LIMS1: variants seen among roughly 807,000 people sequenced by gnomAD.
LIMS1 encodes the protein LIM zinc finger domain containing 1, also known as LIM and senescent cell antigen-like-containing domain protein 1.
In LIMS1, 18 loss-of-function variants were observed where a neutral mutation model predicts 44.1. The observed-to-expected ratio is 0.41, with a 90% CI of 0.28 to 0.61. The LOEUF is 0.61. Ranked by LOEUF, LIMS1 falls within the 20% of genes least tolerant of loss-of-function variation. LIMS1 has a pLI of 0.32. For synonymous variants in LIMS1, 93 were observed against 149.1 expected (o/e 0.62, Z 2.74); for missense variants, 201 against 422.0 (o/e 0.48, Z 4.59).
At chr2:108,638,645 G>T (rs1689442445) in intron 1 of LIMS1, among the ~76,000 whole-genome samples, 1 of 152,110 alleles carries the variant, frequency 6.6e-6, no homozygotes, top group South Asian at 2.1e-4. Context: ...TACTCAGGAG[G>T]CTGAGGCACG....
At chr2:108,680,040 C>T (rs925584278) in intron 8 of LIMS1, among the ~76,000 whole-genome samples, 2 of 151,798 alleles carry the variant, frequency 1.3e-5, no homozygotes, top group African/African-American at 4.8e-5. Context: ...TCCTGGGAAA[C>T]ATGGCAAGAC....
intron 1 of LIMS1, among the ~76,000 whole-genome samples, chr2:108,599,314 A>G (rs528915682): frequency 1.8e-4 from 28 of 152,218 alleles, no homozygotes; most frequent in Admixed American, 1.6e-3. Context: ...TGCCTGGCTT[A>G]TTTCACTTGA....
intron 1 of LIMS1, among the ~76,000 whole-genome samples, chr2:108,611,842 T>C (rs1418760795): frequency 1.4e-5 from 2 of 141,740 alleles, no homozygotes; most frequent in Non-Finnish European, 3.0e-5. Flanking sequence ...CTAAAATATA[T>C]ATATATATAT....
intron 1 of LIMS1, among the ~76,000 whole-genome samples, chr2:108,569,753 G>A (rs1005433318): frequency 2.5e-5 from 3 of 120,140 alleles, no homozygotes; most frequent in South Asian, 3.2e-4. Context: ...AACACTCACC[G>A]CCATATCTGG....
chr2:108,669,978 T>C (rs1573604572), intron 2 of LIMS1, among the ~76,000 whole-genome samples: 1 of 152,182 alleles, frequency 6.6e-6, no homozygotes, highest in Admixed American at 6.5e-5. Context: ...TGTTAACCTT[T>C]ACAGCCTTAT....
intron 5 of LIMS1, 94 bp from the exon 6 acceptor site, chr2:108,675,784 A>G (rs567147820): frequency 1.4e-6 from 2 of 1,463,998 alleles, no homozygotes; most frequent in East Asian, 2.3e-5. Flanking sequence ...TTGTCATAGT[A>G]ATGTCTTTAA....
intron 1 of LIMS1, among the ~76,000 whole-genome samples, chr2:108,566,564 TGTC>T (rs1159817725): frequency 1.3e-5 from 2 of 152,212 alleles, no homozygotes; most frequent in East Asian, 1.9e-4. Flanking sequence ...ATGCTGCTGT[TGTC>T]GTAAAATGCC....
At chr2:108,634,638 A>G (rs1689111979) in intron 1 of LIMS1, among the ~76,000 whole-genome samples, 2 of 152,210 alleles carry the variant, frequency 1.3e-5, no homozygotes, top group Non-Finnish European at 2.9e-5. Context: ...AGTGGTACAC[A>G]TGGTCCTTTT....
intron 1 of LIMS1, chr2:108,621,326 G>T: frequency 6.5e-7 from 1 of 1,549,788 alleles, no homozygotes; most frequent in Non-Finnish European, 8.7e-7. Context: ...ATGCTTTAAA[G>T]TGTCAGCAAT....
intron 1 of LIMS1, among the ~76,000 whole-genome samples, chr2:108,571,101 G>C (rs1379486703): frequency 6.6e-6 from 1 of 152,068 alleles, no homozygotes; most frequent in Non-Finnish European, 1.5e-5. Flanking sequence ...TGTTTATTGG[G>C]AGGGATGTAA....
intron 5 of LIMS1, chr2:108,673,614 C>G (rs1173447626): frequency 6.2e-6 from 1 of 160,230 alleles, no homozygotes; most frequent in Non-Finnish European, 1.4e-5. Context: ...GTCTCAAACT[C>G]CTGGGCTCAA....
intron 1 of LIMS1, among the ~76,000 whole-genome samples, chr2:108,573,619 T>C (rs1422145780): frequency 1.3e-5 from 2 of 152,214 alleles, no homozygotes; most frequent in African/African-American, 4.8e-5. Context: ...AGGTGTATGC[T>C]TGGCTCTAGG....
At chr2:108,564,322 A>G (rs1685222550) in intron 1 of LIMS1, among the ~76,000 whole-genome samples, 1 of 152,234 alleles carries the variant, frequency 6.6e-6, no homozygotes, top group Admixed American at 6.5e-5. Context: ...CACACTTAAT[A>G]GACTACAGTG....
At chr2:108,575,803 G>T (rs776613111) in intron 1 of LIMS1, among the ~76,000 whole-genome samples, 1 of 151,870 alleles carries the variant, frequency 6.6e-6, no homozygotes, top group South Asian at 2.1e-4. Context: ...CCTTTTGTGC[G>T]TTTGTGTGTG....
At chr2:108,612,211 CCTT>C (rs1341041787) in intron 1 of LIMS1, among the ~76,000 whole-genome samples, 2 of 151,806 alleles carry the variant, frequency 1.3e-5, no homozygotes, top group African/African-American at 4.8e-5. Context: ...ATTAGAATCA[CCTT>C]CTTCACCAGA....
intron 1 of LIMS1, among the ~76,000 whole-genome samples, chr2:108,649,504 T>C (rs1341413276): frequency 6.6e-6 from 1 of 152,200 alleles, no homozygotes; most frequent in Non-Finnish European, 1.5e-5. Flanking sequence ...TAAATCATTC[T>C]ATAAAGACAC....
chr2:108,558,539 C>G (rs1685006143), intron 1 of LIMS1, among the ~76,000 whole-genome samples: 1 of 151,818 alleles, frequency 6.6e-6, no homozygotes, highest in South Asian at 2.1e-4. Flanking sequence ...ACTCTAAATG[C>G]CTTTGTTGCA....
chr2:108,646,963 C>T (rs1005840305), intron 1 of LIMS1, among the ~76,000 whole-genome samples: 11 of 152,198 alleles, frequency 7.2e-5, no homozygotes, highest in South Asian at 2.1e-4. Flanking sequence ...TCTCGTGATC[C>T]GCCCGCCTCG....
intron 1 of LIMS1, among the ~76,000 whole-genome samples, chr2:108,592,077 G>GA (rs1261529990): frequency 6.6e-6 from 1 of 152,144 alleles, no homozygotes; most frequent in Non-Finnish European, 1.5e-5. Flanking sequence ...TTACAGGTGT[G>GA]AGCCACCACG....
Sources: allele counts gnomAD v4.1 joint callset (sites outside exome capture counted in the v4.1 genomes callset), GRCh38; gene constraint gnomAD v4.1.1; transcripts MANE v1.5; gene names NCBI Gene and HGNC (gene_info 2026-07-23, HGNC 2026-07-21).